The following MKLN1 variants were observed in gnomAD, a reference collection of about 807,000 sequenced individuals.
The protein encoded by MKLN1 is muskelin 1.
Under a neutral mutation model 99.0 loss-of-function variants are expected in MKLN1, and 18 were observed. The observed-to-expected ratio is 0.18, with a 90% CI of 0.13 to 0.27. The LOEUF is 0.27. MKLN1 is among the 10% of genes least tolerant of loss of function. The pLI, the probability that MKLN1 is intolerant of heterozygous loss-of-function variation, is 1.00. For missense variants in MKLN1, 621 were observed against 875.9 expected (o/e 0.71, Z 3.67); for synonymous variants, 288 against 293.2 (o/e 0.98, Z 0.18).
chr7:131,287,790 G>A (rs1798154768), intron 3 of MKLN1, among the ~76,000 whole-genome samples: 1 of 152,062 alleles, frequency 6.6e-6, no homozygotes, highest in Admixed American at 6.5e-5. Flanking sequence ...ACCAGTGGGA[G>A]GTGATTGGAT....
chr7:131,348,300 A>G (rs974605739), intron 1 of MKLN1, among the ~76,000 whole-genome samples: 3 of 152,210 alleles, frequency 2.0e-5, no homozygotes, highest in African/African-American at 7.2e-5. Flanking sequence ...ACAGATATAT[A>G]TATGGAAATG....
chr7:131,470,807 A>G, intron 15 of MKLN1, 35 bp from the exon 16 acceptor site: 3 of 1,326,870 alleles, frequency 2.3e-6, no homozygotes, highest in Non-Finnish European at 3.3e-6. Context: ...ATTTTCTCAT[A>G]ACTCCAGATA....
intron 2 of MKLN1, among the ~76,000 whole-genome samples, chr7:131,160,352 A>G (rs941073495): frequency 2.0e-5 from 3 of 151,930 alleles, no homozygotes; most frequent in African/African-American, 7.2e-5. Context: ...TTTCTTGGCT[A>G]TTGTAAATAA....
intron 1 of MKLN1, among the ~76,000 whole-genome samples, chr7:131,123,297 C>T (rs1795404896): frequency 6.6e-6 from 1 of 152,168 alleles, no homozygotes; most frequent in South Asian, 2.1e-4. Context: ...ATAATCTAGG[C>T]CTTCCTGGCC....
At chr7:131,351,022 T>A (rs548462621) in intron 1 of MKLN1, among the ~76,000 whole-genome samples, 34 of 152,364 alleles carry the variant, frequency 2.2e-4, no homozygotes, top group African/African-American at 7.9e-4. Flanking sequence ...TTATAGTGTG[T>A]TCGAATCAGG....
At chr7:131,349,021 A>G (rs867474530) in intron 1 of MKLN1, among the ~76,000 whole-genome samples, 6 of 152,108 alleles carry the variant, frequency 3.9e-5, no homozygotes, top group Middle Eastern at 3.2e-3. Flanking sequence ...TAATTTTTTA[A>G]AGACATGCAC....
At chr7:131,275,557 ATATATATATAT>A (rs1200064827) in intron 3 of MKLN1, among the ~76,000 whole-genome samples, 1 of 15,666 alleles carries the variant, frequency 6.4e-5, no homozygotes, top group African/African-American at 3.1e-4. Flanking sequence ...ATATATATAT[ATATATATATAT>A]TTTTTTTTTT....
At chr7:131,418,369 CAAAAAAAAAA>C (rs943898750) in intron 8 of MKLN1, among the ~76,000 whole-genome samples, 11 of 54,794 alleles carry the variant, frequency 2.0e-4, no homozygotes, top group African/African-American at 6.9e-4. Flanking sequence ...GACTTCGTCT[CAAAAAAAAAA>C]AAAAAAAAAA....
intron 2 of MKLN1, among the ~76,000 whole-genome samples, chr7:131,152,784 C>T (rs1421834719): frequency 6.6e-6 from 1 of 151,938 alleles, no homozygotes; most frequent in Non-Finnish European, 1.5e-5. Context: ...TTGTAGTTTG[C>T]TTGTTGAAGC....
At chr7:131,454,060 CTT>C (rs5887505) in intron 12 of MKLN1, among the ~76,000 whole-genome samples, 7 of 139,488 alleles carry the variant, frequency 5.0e-5, no homozygotes, top group Admixed American at 1.4e-4. Context: ...TTGGTACAGC[CTT>C]TTTTTTTTTT....
At chr7:131,169,446 G>A (rs775671509) in intron 2 of MKLN1, among the ~76,000 whole-genome samples, 1 of 152,160 alleles carries the variant, frequency 6.6e-6, no homozygotes, top group Non-Finnish European at 1.5e-5. Context: ...AAAATTAACA[G>A]TTTGACTGTT....
intron 3 of MKLN1, among the ~76,000 whole-genome samples, chr7:131,266,543 A>G (rs1245689342): frequency 6.6e-6 from 1 of 152,128 alleles, no homozygotes; most frequent in Non-Finnish European, 1.5e-5. Flanking sequence ...CTGATCACTG[A>G]GAGAAGAGGT....
intron 2 of MKLN1, among the ~76,000 whole-genome samples, chr7:131,173,973 TC>T (rs369540492): frequency 0.051 from 6,889 of 135,646 alleles, 583 homozygotes; most frequent in African/African-American, 0.096. Context: ...TTTTTCTTTT[TC>T]TTTTTTTTTT....
At position 131,224,966 on chromosome 7, in the gene MKLN1, G is replaced by A. The variant is rs1001831159; in HGVS notation, c.-179+21992G>A. On this transcript the variant is annotated intron_variant, in intron 3 of 7. Transcript: ENST00000416992. The stretch of plus-strand genomic sequence containing the variant: ...CAGGCACCTGTAGTCCCAGCTACTC[G>A]GGAGGCTGAGGCAGGAGAATGGTGC... Among the ~76,000 whole-genome samples the A allele has an allele frequency of 4.6e-5, 7 of 151,978 alleles. No homozygotes were observed. The South Asian group carries it at 1.0e-3, about 23-fold the overall frequency.
At chr7:131,294,358 G>T (rs1056910850) in intron 3 of MKLN1, among the ~76,000 whole-genome samples, 1 of 152,178 alleles carries the variant, frequency 6.6e-6, no homozygotes, top group African/African-American at 2.4e-5. Flanking sequence ...TATATTTACA[G>T]AAAGAGATAA....
chr7:131,172,316 T>A (rs565795596), intron 2 of MKLN1, among the ~76,000 whole-genome samples: 58 of 76,366 alleles, frequency 7.6e-4, no homozygotes, highest in African/African-American at 2.8e-3. Flanking sequence ...AATTTTTGTA[T>A]TTTTTTTTTT....
rs113227559 is a variant in MKLN1, at chr7:131,372,774, G to A, written c.99-2650G>A. Among the ~76,000 whole-genome samples, 470 of 149,806 alleles carry A rather than the reference G, an allele frequency of 3.1e-3. 1 individual carries two copies. The highest frequency in any genetic ancestry group is 0.011 in the African/African-American group (448 of 40,796). ...TTCTAAGAAGTGAAAGAATTCTGAG[G>A]CTTTAGCATATGGTGATTAAGAGCA... On this transcript the variant is annotated intron_variant, in intron 1 of 17. Coordinates refer to ENST00000352689, the MANE Select transcript of MKLN1 (RefSeq NM_013255.5).
At chr7:131,462,180 C>T (rs1369352514) in intron 12 of MKLN1, among the ~76,000 whole-genome samples, 1 of 152,040 alleles carries the variant, frequency 6.6e-6, no homozygotes, top group African/African-American at 2.4e-5. Flanking sequence ...TACATGTGCA[C>T]ACCACCACAC....
chr7:131,443,075 C>T (rs1707786704), intron 10 of MKLN1, among the ~76,000 whole-genome samples: 1 of 152,144 alleles, frequency 6.6e-6, no homozygotes, highest in African/African-American at 2.4e-5. Flanking sequence ...ATTTGCATAT[C>T]TGATCGCTTA....
Sources: allele counts gnomAD v4.1 joint callset (sites outside exome capture counted in the v4.1 genomes callset), GRCh38; gene constraint gnomAD v4.1.1; transcripts MANE v1.5; gene names NCBI Gene and HGNC (gene_info 2026-07-23, HGNC 2026-07-21).